SBF2: variants seen among roughly 807,000 people sequenced by gnomAD.
The protein encoded by SBF2 is myotubularin-related protein 13.
A neutral mutation model predicts 225.2 loss-of-function variants in SBF2; 112 were observed. The ratio of observed to expected loss-of-function variants is 0.50; its 90% confidence interval spans 0.43 to 0.58. The LOEUF is 0.58. Among genes scored for constraint, SBF2 ranks in the 20% least tolerant of loss-of-function variants. The pLI, the probability that SBF2 is intolerant of heterozygous loss-of-function variation, is 0.00. For synonymous variants in SBF2, 763 were observed against 773.3 expected, an observed-to-expected ratio of 0.99 and a Z score of 0.22; for missense variants, 1,996 against 2,206.2, an observed-to-expected ratio of 0.90 and a Z score of 1.91.
At chr11:9,844,626 A>T (rs1225348236) in intron 24 of SBF2, among the ~76,000 whole-genome samples, 1 of 152,226 alleles carries the variant, frequency 6.6e-6, no homozygotes, top group Non-Finnish European at 1.5e-5. Context: ...GGAATAAAAA[A>T]GTTAGGTACT....
chr11:10,145,553 A>C (rs1362181496), intron 2 of SBF2, among the ~76,000 whole-genome samples: 2 of 152,064 alleles, frequency 1.3e-5, no homozygotes, highest in East Asian at 3.9e-4. Flanking sequence ...ACAAATTTTT[A>C]CCTCCAAGAA....
At chr11:10,115,656 C>T (rs1953103405) in intron 2 of SBF2, among the ~76,000 whole-genome samples, 1 of 152,140 alleles carries the variant, frequency 6.6e-6, no homozygotes, top group Non-Finnish European at 1.5e-5. Context: ...CAATTATTAA[C>T]ATATAACACT....
At position 10,039,628 on chromosome 11, in the gene SBF2, A is replaced by G. The variant is rs955790621; in HGVS notation, c.279+3216T>C. Among the ~76,000 whole-genome samples the G allele has an allele frequency of 6.6e-5, 10 of 152,122 alleles. No individual in the cohort carries two copies. In the East Asian group the frequency reaches 1.9e-3, roughly 29 times the overall value. On this transcript the variant is annotated intron_variant, in intron 3 of 39. Coordinates refer to ENST00000256190, the MANE Select transcript of SBF2 (RefSeq NM_030962.4). ...AAGTAGGAAAATATCTAAGCTAAAA[A>G]GAGAAATAACTTCTTGACATATGGA...
At chr11:9,788,194 A>G (rs1485804767) in intron 35 of SBF2, among the ~76,000 whole-genome samples, 1 of 152,224 alleles carries the variant, frequency 6.6e-6, no homozygotes. Flanking sequence ...GAAATGCCCA[A>G]GGAAACAGAT....
chr11:9,912,386 A>G (rs12576435), intron 16 of SBF2, among the ~76,000 whole-genome samples: 9,502 of 151,568 alleles, frequency 0.063, 456 homozygotes, highest in East Asian at 0.27. Flanking sequence ...GGAGTTCAAG[A>G]CCAGCCTGGC....
intron 5 of SBF2, among the ~76,000 whole-genome samples, chr11:10,029,564 T>C (rs563249679): frequency 5.3e-5 from 8 of 152,324 alleles, no homozygotes; most frequent in South Asian, 2.1e-4. Flanking sequence ...GTGTTAAAAT[T>C]AACCTCATGA....
At chr11:9,958,008 A>G (rs1426461534) in intron 16 of SBF2, 1 of 152,004 alleles carries the variant, frequency 6.6e-6, no homozygotes. Flanking sequence ...AAAGTTGGTT[A>G]TAATCTTTTA....
At chr11:9,805,911 ACG>A (rs1564870664) in intron 32 of SBF2, among the ~76,000 whole-genome samples, 4 of 152,180 alleles carry the variant, frequency 2.6e-5, no homozygotes, top group Admixed American at 1.3e-4. Flanking sequence ...GTGAGCCACC[ACG>A]CCCGACCAGG....
chr11:9,934,354 C>T (rs1864726048), intron 16 of SBF2, among the ~76,000 whole-genome samples: 2 of 152,164 alleles, frequency 1.3e-5, no homozygotes, highest in African/African-American at 2.4e-5. Flanking sequence ...CAGACGGATT[C>T]ACAACCGAAT....
intron 2 of SBF2, among the ~76,000 whole-genome samples, chr11:10,147,150 A>G (rs1477794771): frequency 1.3e-5 from 2 of 152,164 alleles, no homozygotes; most frequent in Non-Finnish European, 2.9e-5. Context: ...CATTGTGGAA[A>G]GCAGTGTGGA....
chr11:9,789,413 C>A (rs1590088027), intron 34 of SBF2, 71 bp from the exon 35 acceptor site: 1 of 1,091,744 alleles, frequency 9.2e-7, no homozygotes, highest in Non-Finnish European at 1.4e-6. Context: ...CAGGCAAACC[C>A]CTAACATTTA....
At chr11:9,801,670 A>G (rs889083746) in intron 32 of SBF2, among the ~76,000 whole-genome samples, 4 of 152,236 alleles carry the variant, frequency 2.6e-5, no homozygotes, top group Non-Finnish European at 5.9e-5. Context: ...TCCATATTAC[A>G]TGGCCTTAAA....
chr11:9,821,301 T>A (rs1590156966), intron 28 of SBF2, among the ~76,000 whole-genome samples: 1 of 152,340 alleles, frequency 6.6e-6, no homozygotes, highest in East Asian at 1.9e-4. Context: ...CTCATTATTG[T>A]ATCTTCAACC....
intron 12 of SBF2, among the ~76,000 whole-genome samples, chr11:9,992,132 T>G (rs188525935): frequency 6.6e-6 from 1 of 152,286 alleles, no homozygotes; most frequent in Admixed American, 6.5e-5. Context: ...TGGCGAATTC[T>G]GAGATTTTAG....
At chr11:9,927,643 A>G (rs770578136) in intron 16 of SBF2, among the ~76,000 whole-genome samples, 4 of 152,216 alleles carry the variant, frequency 2.6e-5, no homozygotes, top group Non-Finnish European at 4.4e-5. Flanking sequence ...AAATCAACCA[A>G]TGTAATTCAC....
intron 16 of SBF2, among the ~76,000 whole-genome samples, chr11:9,942,934 AGAAAGAAG>A (rs1212288798): frequency 8.3e-5 from 12 of 144,990 alleles, no homozygotes; most frequent in African/African-American, 2.3e-4. Flanking sequence ...AAAGAAAGAA[AGAAAGAAG>A]GAAGGAACGA....
intron 2 of SBF2, among the ~76,000 whole-genome samples, chr11:10,171,665 G>C (rs910908725): frequency 4.6e-5 from 7 of 152,116 alleles, no homozygotes; most frequent in African/African-American, 7.2e-5. Flanking sequence ...ATAAGGTTTG[G>C]AAGTATTCCC....
chr11:10,010,079 C>T (rs1213870270), intron 6 of SBF2, among the ~76,000 whole-genome samples: 1 of 152,072 alleles, frequency 6.6e-6, no homozygotes, highest in African/African-American at 2.4e-5. Flanking sequence ...TATCTTTCAC[C>T]CACTTTTTGA....
chr11:9,929,538 T>G lies in SBF2; in HGVS notation c.1860+32419A>C, dbSNP rs561369075. ...GCTTTCTGAATCCTGGCGAAACCAT[T>G]ACATCTCAGAAGTATAGTTGGCAAA... On this transcript the variant is annotated intron_variant, in intron 16 of 39. Transcript: ENST00000256190. Among the ~76,000 whole-genome samples the G allele has an allele frequency of 2.0e-4, 30 of 152,290 alleles. 1 individual carries two copies. The highest frequency in any genetic ancestry group is 6.7e-4 in the African/African-American group (28 of 41,556).
Sources: allele counts gnomAD v4.1 joint callset (sites outside exome capture counted in the v4.1 genomes callset), GRCh38; gene constraint gnomAD v4.1.1; transcripts MANE v1.5; gene names NCBI Gene and HGNC (gene_info 2026-07-23, HGNC 2026-07-21).